The following RUNX1T1 variants were observed in gnomAD, a reference collection of about 807,000 sequenced individuals.
The protein encoded by RUNX1T1 is protein CBFA2T1.
Under a neutral mutation model 62.8 loss-of-function variants are expected in RUNX1T1, and 4 were observed. That is an observed-to-expected ratio of 0.06 (90% CI 0.03 to 0.15). The LOEUF is 0.15. Ranked by LOEUF, RUNX1T1 falls within the 10% of genes least tolerant of loss-of-function variation. The probability of loss-of-function intolerance (pLI) is 1.00; values close to 1 mark genes in which losing one functional copy is unlikely to be tolerated. For missense variants in RUNX1T1, 508 were observed against 754.3 expected, an observed-to-expected ratio of 0.67 and a Z score of 3.82; for synonymous variants, 291 against 286.0, an observed-to-expected ratio of 1.02 and a Z score of -0.18.
intron 5 of RUNX1T1, chr8:92,004,415 G>A (rs891762769): frequency 3.3e-5 from 5 of 152,026 alleles, no homozygotes; most frequent in African/African-American, 9.7e-5. Context: ...ATTTTACTAC[G>A]GTAAATGGGA....
chr8:91,965,787 C>T (rs1304562715), intron 10 of RUNX1T1, among the ~76,000 whole-genome samples: 1 of 152,148 alleles, frequency 6.6e-6, no homozygotes, highest in Non-Finnish European at 1.5e-5. Flanking sequence ...TTTTCAATCG[C>T]ATAGTCACTA....
At chr8:92,003,928 T>C (rs1416524874) in intron 5 of RUNX1T1, among the ~76,000 whole-genome samples, 1 of 152,220 alleles carries the variant, frequency 6.6e-6, no homozygotes, top group Non-Finnish European at 1.5e-5. Flanking sequence ...ATTTAACTGT[T>C]TGCTTTAGGA....
chr8:92,033,274 G>A (rs1032993747), intron 1 of RUNX1T1, among the ~76,000 whole-genome samples: 1 of 152,056 alleles, frequency 6.6e-6, no homozygotes, highest in Non-Finnish European at 1.5e-5. Flanking sequence ...ATATTTACTT[G>A]GAAAGATCTT....
rs75740368 is a variant in RUNX1T1 at position 92,016,314 on chromosome 8, G to T, written c.145+912C>A. Among the ~76,000 whole-genome samples, 782 of 152,186 alleles carry T rather than the reference G, an allele frequency of 5.1e-3. 4 individuals are homozygous for T. The highest frequency in any genetic ancestry group is 0.018 in the African/African-American group (741 of 41,538). ...TGTACTGAAAGCAATACACTCTATT[G>T]AGAGAACTCAGAACTTGAGCCAAGC... is the stretch of plus-strand genomic sequence containing the variant. On this transcript the variant is annotated intron_variant, in intron 2 of 10. Coordinates refer to ENST00000396218, the Ensembl canonical transcript of RUNX1T1.
At chr8:92,005,413 A>G in intron 4 of RUNX1T1, 116 bp from the exon 6 acceptor site, 1 of 850,862 alleles carries the variant, frequency 1.2e-6, no homozygotes, top group Non-Finnish European at 1.8e-6. Flanking sequence ...ATCAAAGGTC[A>G]AATGCATGCC....
At chr8:92,000,487 G>A (rs1298683748) in intron 5 of RUNX1T1, among the ~76,000 whole-genome samples, 88 of 151,858 alleles carry the variant, frequency 5.8e-4, no homozygotes, top group South Asian at 2.1e-4. Flanking sequence ...ATAGAAAACC[G>A]AATGCAGGTT....
intron 7 of RUNX1T1, among the ~76,000 whole-genome samples, chr8:91,986,600 C>A (rs571471926): frequency 6.6e-6 from 1 of 152,270 alleles, no homozygotes; most frequent in East Asian, 1.9e-4. Flanking sequence ...AAATACTAAT[C>A]CCATTACTTT....
intron 1 of RUNX1T1, among the ~76,000 whole-genome samples, chr8:92,094,245 G>A (rs1837459825): frequency 6.6e-6 from 1 of 152,174 alleles, no homozygotes. Flanking sequence ...TTTTAATTAG[G>A]CTTTTAGTTA....
At chr8:92,079,552 C>T (rs925920807) in intron 1 of RUNX1T1, among the ~76,000 whole-genome samples, 4 of 152,186 alleles carry the variant, frequency 2.6e-5, no homozygotes, top group African/African-American at 9.7e-5. Flanking sequence ...GGGTGCCCCT[C>T]ATCGCAGGTC....
At chr8:92,095,284 C>G (rs770229930) in intron 1 of RUNX1T1, 351 of 1,518,624 alleles carry the variant, frequency 2.3e-4, no homozygotes, top group Admixed American at 1.4e-3. Flanking sequence ...CCCACGCCCC[C>G]CTTCCTCCTG....
intron 10 of RUNX1T1, among the ~76,000 whole-genome samples, chr8:91,965,802 A>G (rs1811469139): frequency 6.6e-6 from 1 of 152,132 alleles, no homozygotes; most frequent in Non-Finnish European, 1.5e-5. Context: ...TCACTACTCT[A>G]ATTCTCTCGC....
intron 4 of RUNX1T1, among the ~76,000 whole-genome samples, chr8:92,009,364 C>T (rs984438361): frequency 1.3e-5 from 2 of 152,094 alleles, no homozygotes; most frequent in African/African-American, 4.8e-5. Flanking sequence ...CTTATTAAGG[C>T]CCGAGTTCCC....
chr8:91,997,137 T>C (rs1818860819), intron 5 of RUNX1T1, among the ~76,000 whole-genome samples: 2 of 151,738 alleles, frequency 1.3e-5, no homozygotes, highest in African/African-American at 4.8e-5. Context: ...AAGGAAAAAA[T>C]AAAAATAAAT....
intron 5 of RUNX1T1, among the ~76,000 whole-genome samples, chr8:91,998,927 C>T (rs1476088460): frequency 6.6e-6 from 1 of 152,018 alleles, no homozygotes; most frequent in East Asian, 1.9e-4. Context: ...GAAGAGAGAC[C>T]ATTTAATACA....
intron 10 of RUNX1T1, among the ~76,000 whole-genome samples, chr8:91,965,315 C>G (rs1019812666): frequency 6.6e-6 from 1 of 152,156 alleles, no homozygotes; most frequent in African/African-American, 2.4e-5. Flanking sequence ...ATTACTTCCC[C>G]GTTCTTCCTT....
chr8:92,100,129 T>A (rs189905919), upstream of RUNX1T1, among the ~76,000 whole-genome samples: 2 of 152,336 alleles, frequency 1.3e-5, no homozygotes, highest in East Asian at 3.9e-4. Context: ...TGTATTGTAT[T>A]GCACATAGAA....
At chr8:92,041,214 C>G (rs976856434) in intron 1 of RUNX1T1, among the ~76,000 whole-genome samples, 1 of 147,736 alleles carries the variant, frequency 6.8e-6, no homozygotes, top group African/African-American at 2.6e-5. Context: ...AGCAAATGAA[C>G]AGCATGCAAA....
chr8:92,073,060 T>C (rs1833919854), intron 2 of RUNX1T1, among the ~76,000 whole-genome samples: 1 of 152,214 alleles, frequency 6.6e-6, no homozygotes, highest in Admixed American at 6.5e-5. Context: ...TGCTTCCTCT[T>C]ACATCTTTTA....
chr8:92,017,661 A>C, intron 1 of RUNX1T1: 1 of 1,261,106 alleles, frequency 7.9e-7, no homozygotes, highest in Non-Finnish European at 1.0e-6. Flanking sequence ...CTGCACTGGA[A>C]GCTGAAGCCA....
Sources: gnomAD v4.1 joint callset for allele counts (sites outside exome capture counted in the v4.1 genomes callset) on GRCh38, gnomAD v4.1.1 for gene constraint, MANE v1.5 for transcripts, NCBI Gene and HGNC (gene_info 2026-07-23, HGNC 2026-07-21) for gene names.